The following SPTLC3 variants were observed in gnomAD, a reference collection of about 807,000 sequenced individuals.
SPTLC3 encodes the protein serine palmitoyltransferase 3.
A neutral mutation model predicts 59.3 loss-of-function variants in SPTLC3; 36 were observed. That is an observed-to-expected ratio of 0.61 (90% confidence interval 0.47 to 0.80). The LOEUF (loss-of-function observed/expected upper bound fraction) is 0.80, where lower values mean the gene tolerates loss of function less well. SPTLC3 is among the 30% of genes least tolerant of loss of function. SPTLC3 has a pLI of 0.00. For missense variants in SPTLC3, 625 were observed against 685.1 expected (o/e 0.91, Z 0.98); for synonymous variants, 257 against 240.8 (o/e 1.07, Z -0.62).
intron 11 of SPTLC3, 107 bp from the exon 12 acceptor site, chr20:13,164,647 C>A: frequency 1.3e-6 from 1 of 798,068 alleles, no homozygotes. Flanking sequence ...AAGAAGCTAG[C>A]AAACTAAGAC....
intron 7 of SPTLC3, among the ~76,000 whole-genome samples, chr20:13,113,406 C>G (rs1418208251): frequency 6.6e-6 from 1 of 152,116 alleles, no homozygotes; most frequent in Non-Finnish European, 1.5e-5. Context: ...TACATCAGCA[C>G]AGAGCCCACA....
chr20:13,069,380 C>T (rs1469055654), intron 2 of SPTLC3, among the ~76,000 whole-genome samples: 1 of 152,142 alleles, frequency 6.6e-6, no homozygotes, highest in Admixed American at 6.5e-5. Flanking sequence ...GCACCAGGGA[C>T]TGCTTTTGAG....
intron 1 of SPTLC3, among the ~76,000 whole-genome samples, chr20:13,026,557 C>G (rs894561159): frequency 6.6e-6 from 1 of 152,148 alleles, no homozygotes; most frequent in Non-Finnish European, 1.5e-5. Context: ...CCTCGGCCTG[C>G]AGAATCCTTT....
intron 3 of SPTLC3, chr20:13,073,709 C>T (rs2122573294): frequency 2.3e-6 from 1 of 429,654 alleles, no homozygotes; most frequent in Non-Finnish European, 4.6e-6. Context: ...GCTGCAGCTT[C>T]AGTTCTGAGT....
At chr20:13,069,359 C>T (rs953250050) in intron 2 of SPTLC3, among the ~76,000 whole-genome samples, 2 of 152,106 alleles carry the variant, frequency 1.3e-5, no homozygotes, top group South Asian at 2.1e-4. Context: ...CAGCAGTCCC[C>T]GATCTTTTTG....
intron 6 of SPTLC3, among the ~76,000 whole-genome samples, chr20:13,102,011 G>C (rs1002823943): frequency 6.6e-6 from 1 of 152,110 alleles, no homozygotes; most frequent in African/African-American, 2.4e-5. Flanking sequence ...ATTTGGAGTA[G>C]TTTAAAAGAA....
chr20:13,164,810 C>G lies in SPTLC3; in HGVS notation c.1602C>G (p.His534Gln), dbSNP rs1332318998. Residue 534 changes from histidine (H) to glutamine (Q), a missense_variant, in exon 12 of 12, where the codon CAC (histidine) becomes CAG (glutamine). Physicochemically the swap from His to Gln is conservative, Grantham distance 24. Transcript: ENST00000399002. ...TCTTGCAACTGAAATATTCCCGGCA[C>G]AAGAAGTCAGCACGTCCTGAGCTCT... ...GDLLQLKYSR[H>Q]KKSARPELYD... The G allele has an allele frequency of 6.2e-7, 1 of 1,613,876 alleles. No individual in the cohort carries two copies. Among genetic ancestry groups the G allele is most frequent in the South Asian group, 1.1e-5 (1 of 91,060 alleles).
intron 5 of SPTLC3, 126 bp from the exon 6 acceptor site, chr20:13,093,358 C>A: frequency 2.5e-6 from 2 of 801,178 alleles, no homozygotes; most frequent in South Asian, 1.8e-5. Flanking sequence ...AACTCTTGGC[C>A]TTTTAAAATT....
At chr20:13,122,446 C>T (rs562351931) in intron 8 of SPTLC3, among the ~76,000 whole-genome samples, 26 of 152,196 alleles carry the variant, frequency 1.7e-4, no homozygotes, top group Non-Finnish European at 2.9e-4. Flanking sequence ...CCCCCTCACA[C>T]CACACCAAGC....
chr20:13,009,218 G>A lies in SPTLC3; in HGVS notation c.-50G>A, dbSNP rs774033682. On this transcript the variant is annotated 5_prime_UTR_variant, in exon 1 of 12. Coordinates refer to ENST00000399002, the MANE Select transcript of SPTLC3 (RefSeq NM_018327.4). ...CCTCGCAGACTGAAAACTAAAGCCTGCAGAGACCTCTGAAGGAAAACCTGT... is the reference window on the plus strand; with the variant it reads ...CCTCGCAGACTGAAAACTAAAGCCTACAGAGACCTCTGAAGGAAAACCTGT... The A allele has an allele frequency of 2.7e-6, 4 of 1,491,032 alleles. No homozygotes were observed. Among genetic ancestry groups the A allele is most frequent in the African/African-American group, 1.4e-5 (1 of 72,382 alleles). The allele number at this position is 1,491,032 out of a possible 1,614,324, so 92.4% of individuals were successfully genotyped here.
At chr20:13,130,873 G>T (rs770949538) in intron 9 of SPTLC3, among the ~76,000 whole-genome samples, 5 of 152,184 alleles carry the variant, frequency 3.3e-5, no homozygotes, top group Non-Finnish European at 7.3e-5. Flanking sequence ...TAATAAATAT[G>T]TCATGACTCA....
At chr20:13,015,349 T>A (rs1985473748) in intron 1 of SPTLC3, among the ~76,000 whole-genome samples, 1 of 152,084 alleles carries the variant, frequency 6.6e-6, no homozygotes, top group African/African-American at 2.4e-5. Flanking sequence ...TCATAAAGGG[T>A]AATGCATAAA....
intron 1 of SPTLC3, among the ~76,000 whole-genome samples, chr20:13,042,733 T>A (rs925656588): frequency 5.9e-5 from 9 of 152,172 alleles, no homozygotes; most frequent in African/African-American, 2.2e-4. Context: ...CTTGCTGAAC[T>A]GGGAGACAAA....
intron 9 of SPTLC3, among the ~76,000 whole-genome samples, chr20:13,129,380 G>GA (rs1189933981): frequency 6.6e-6 from 1 of 152,180 alleles, no homozygotes; most frequent in Non-Finnish European, 1.5e-5. Context: ...TCTGCTGTAT[G>GA]AAAAACTGTT....
intron 2 of SPTLC3, among the ~76,000 whole-genome samples, chr20:13,065,396 A>G (rs1568585449): frequency 6.7e-6 from 1 of 148,492 alleles, no homozygotes; most frequent in Non-Finnish European, 1.5e-5. Flanking sequence ...ACCTTCTATT[A>G]TTATTTATGT....
intron 9 of SPTLC3, among the ~76,000 whole-genome samples, chr20:13,137,787 G>A (rs1453060142): frequency 6.6e-6 from 1 of 152,158 alleles, no homozygotes; most frequent in African/African-American, 2.4e-5. Context: ...CAGGCCTTCC[G>A]TGATTTCCCA....
chr20:13,151,317 C>CT (rs769085690), intron 9 of SPTLC3, among the ~76,000 whole-genome samples: 21 of 152,172 alleles, frequency 1.4e-4, no homozygotes, highest in Non-Finnish European at 2.8e-4. Flanking sequence ...TTTATTGTCT[C>CT]TTTTTCAAAG....
At position 13,165,075 on chromosome 20, in the gene SPTLC3, T is replaced by A; in HGVS notation, c.*208T>A. The A allele has an allele frequency of 1.9e-6, 1 of 517,316 alleles. No individual in the cohort carries two copies. Among genetic ancestry groups the A allele is most frequent in the Non-Finnish European group, 3.4e-6 (1 of 291,612 alleles). 32.0% of individuals were successfully genotyped at this position (517,316 alleles called of 1,614,324 possible). The stretch of plus-strand genomic sequence containing the variant: ...ACATGATTCCAGATTTAAGTCTCTC[T>A]TCTTCCAAGTATTCTACTAGAAATA... On this transcript the variant is annotated 3_prime_UTR_variant, in exon 12 of 12. Transcript: ENST00000399002.
At chr20:13,029,865 G>A (rs1270056430) in intron 1 of SPTLC3, among the ~76,000 whole-genome samples, 1 of 152,110 alleles carries the variant, frequency 6.6e-6, no homozygotes, top group Non-Finnish European at 1.5e-5. Flanking sequence ...ACACAGAGAA[G>A]GGAACAGCTG....
Sources: gnomAD v4.1 joint callset for allele counts (sites outside exome capture counted in the v4.1 genomes callset) on GRCh38, gnomAD v4.1.1 for gene constraint, MANE v1.5 for transcripts, NCBI Gene and HGNC (gene_info 2026-07-23, HGNC 2026-07-21) for gene names.